Variants in EML5 observed in about 807,000 individuals in gnomAD.
The protein encoded by EML5 is EMAP like 5.
EML5 carries 120 observed loss-of-function variants against 250.0 expected under a neutral mutation model. The ratio of observed to expected loss-of-function variants is 0.48; its 90% CI spans 0.41 to 0.56. The LOEUF (loss-of-function observed/expected upper bound fraction) is 0.56. Ranked by LOEUF, EML5 falls within the 20% of genes least tolerant of loss-of-function variation. The pLI is 0.00. For missense variants in EML5, 2,006 were observed against 2,437.6 expected, an observed-to-expected ratio of 0.82 and a Z score of 3.73; for synonymous variants, 771 against 806.5, an observed-to-expected ratio of 0.96 and a Z score of 0.75.
rs1281430673 is a variant in EML5, at chr14:88,620,881, A to G, written c.5248T>C (p.Cys1750Arg). ...ACCATGTCCCCTTCAGGGCTGTAAC[A>G]CACAGTACGAGCAGCATGTCCCAAA... is the stretch of plus-strand genomic sequence containing the variant. ...VNLGHAARTV[C>R]YSPEGDMVAI... The change falls in exon 39 of 44, where the codon TGT (cysteine) becomes CGT (arginine). Residue 1750 changes from cysteine to arginine, a missense_variant. Cys to Arg is a radical substitution (Grantham distance 180). Transcript: ENST00000554922. This position sits in a 1 kb window ranked among gnomAD's most constrained non-coding sequence, Gnocchi z 4.3. 1 of 1,567,948 alleles carries G rather than the reference A, an allele frequency of 6.4e-7. No homozygotes were observed.
At chr14:88,660,625 C>T (rs890997309) in intron 25 of EML5, among the ~76,000 whole-genome samples, 1 of 152,106 alleles carries the variant, frequency 6.6e-6, no homozygotes, top group African/African-American at 2.4e-5. Context: ...CGCCTGTAAT[C>T]CCAGCTACTC....
chr14:88,621,511 A>G, intron 37 of EML5: 1 of 591,642 alleles, frequency 1.7e-6, no homozygotes, highest in South Asian at 2.1e-5. Flanking sequence ...TACATATTAG[A>G]GTCCATGCTA....
At chr14:88,616,491 T>G (rs536728860) in intron 42 of EML5, 3 of 604,528 alleles carry the variant, frequency 5.0e-6, no homozygotes, top group South Asian at 4.5e-5. Context: ...GATAACTGAT[T>G]ATAGGTTTGG....
chr14:88,738,980 CCTT>C lies in EML5; in HGVS notation c.743_745del (p.Glu248del), dbSNP rs766535924. The C allele has an allele frequency of 1.9e-6, 3 of 1,609,062 alleles. No homozygotes were observed. Among genetic ancestry groups the C allele is most frequent in the Non-Finnish European group, 2.5e-6 (3 of 1,178,202 alleles). On this transcript the variant is annotated inframe_deletion, in exon 6 of 44. Coordinates refer to ENST00000554922, the MANE Select transcript of EML5 (RefSeq NM_183387.3). ...ACCATCTCTGCCACCAGTAGCAAAG[CCTT>C]CTTCACAAGCATTCATGCTAAAAAT...
intron 7 of EML5, among the ~76,000 whole-genome samples, chr14:88,735,689 C>G (rs539982216): frequency 1.3e-5 from 2 of 152,124 alleles, no homozygotes; most frequent in Non-Finnish European, 2.9e-5. Flanking sequence ...GATATTCATA[C>G]ATGTACAAAA....
chr14:88,733,201 C>T (rs983747681), intron 7 of EML5, among the ~76,000 whole-genome samples: 8 of 152,222 alleles, frequency 5.3e-5, no homozygotes, highest in Non-Finnish European at 1.0e-4. Context: ...TAGCACCATA[C>T]GTTGGACTAT....
At chr14:88,756,603 A>C (rs1293901130) in intron 1 of EML5, among the ~76,000 whole-genome samples, 1 of 152,162 alleles carries the variant, frequency 6.6e-6, no homozygotes, top group Non-Finnish European at 1.5e-5. Flanking sequence ...CAAAGAAACA[A>C]CCAAAAAATG....
At chr14:88,766,944 G>T (rs1465640180) in intron 1 of EML5, among the ~76,000 whole-genome samples, 1 of 152,140 alleles carries the variant, frequency 6.6e-6, no homozygotes, top group East Asian at 1.9e-4. Context: ...TATAACAAAT[G>T]TTTTACATTC....
At chr14:88,687,385 C>T in intron 18 of EML5, 58 bp from the exon 19 acceptor site, 1 of 1,219,536 alleles carries the variant, frequency 8.2e-7, no homozygotes, top group Non-Finnish European at 1.1e-6. Context: ...AAAATAGTAA[C>T]CTTTTTCCTT....
intron 1 of EML5, among the ~76,000 whole-genome samples, chr14:88,782,079 G>T (rs2094502971): frequency 6.6e-6 from 1 of 152,214 alleles, no homozygotes; most frequent in Non-Finnish European, 1.5e-5. Flanking sequence ...GGGAAAGTCT[G>T]TAAGTTCCTA....
intron 11 of EML5, 85 bp downstream of exon 11, chr14:88,706,174 T>C: frequency 1.5e-6 from 2 of 1,304,856 alleles, no homozygotes; most frequent in Non-Finnish European, 2.1e-6. Context: ...TGAGGCCAGA[T>C]TATACTTTAA....
At chr14:88,685,228 A>G (rs776375489) in intron 19 of EML5, 86 bp from the exon 20 acceptor site, 16 of 1,150,886 alleles carry the variant, frequency 1.4e-5, no homozygotes, top group Non-Finnish European at 1.9e-5. Context: ...CTATTTTGAC[A>G]GTGAAAATCA....
chr14:88,668,260 T>TGTGA (rs2092359871), intron 21 of EML5, among the ~76,000 whole-genome samples: 1 of 152,084 alleles, frequency 6.6e-6, no homozygotes, highest in South Asian at 2.1e-4. Context: ...GAATCTAAAG[T>TGTGA]GTGAGTGTAC....
At chr14:88,760,328 G>A (rs1159090343) in intron 1 of EML5, among the ~76,000 whole-genome samples, 3 of 142,224 alleles carry the variant, frequency 2.1e-5, no homozygotes, top group Non-Finnish European at 4.5e-5. Flanking sequence ...TGTATAAAGT[G>A]TAATGTAGGT....
At chr14:88,707,808 T>A (rs966764925) in intron 10 of EML5, among the ~76,000 whole-genome samples, 2 of 152,166 alleles carry the variant, frequency 1.3e-5, no homozygotes, top group Non-Finnish European at 2.9e-5. Flanking sequence ...CAAAGTCCTA[T>A]GAGGTAAGGG....
intron 18 of EML5, among the ~76,000 whole-genome samples, chr14:88,687,724 A>G (rs983156159): frequency 3.3e-5 from 5 of 152,016 alleles, no homozygotes; most frequent in African/African-American, 1.2e-4. Context: ...TTTGACACAT[A>G]GTATGAGCTT....
intron 27 of EML5, among the ~76,000 whole-genome samples, chr14:88,655,859 T>C (rs1047149770): frequency 1.3e-5 from 2 of 151,936 alleles, no homozygotes; most frequent in African/African-American, 4.8e-5. Context: ...CCAAAAAACA[T>C]GAAAAAAAGC....
intron 7 of EML5, among the ~76,000 whole-genome samples, chr14:88,729,289 G>T (rs2093716060): frequency 6.6e-6 from 1 of 152,024 alleles, no homozygotes; most frequent in East Asian, 1.9e-4. Flanking sequence ...GATTTCAAAG[G>T]AAAATCTTCA....
rs75249181 is a variant in EML5, at chr14:88,773,379, A to T, written c.198-18708T>A. On this transcript the variant is annotated intron_variant, in intron 1 of 43. Transcript: ENST00000554922. Reference sequence around the variant, plus strand: ...TTTGCTTGGTAATAAATCTCCAAACAGGGAATATCCAGCGTGGGAGGGCCT... The same window carrying T: ...TTTGCTTGGTAATAAATCTCCAAACTGGGAATATCCAGCGTGGGAGGGCCT... Among the ~76,000 whole-genome samples, 997 of 152,336 alleles carry T rather than the reference A, an allele frequency of 6.5e-3. 8 individuals are homozygous for T. The highest frequency in any genetic ancestry group is 0.023 in the African/African-American group (957 of 41,574).
Sources: allele counts gnomAD v4.1 joint callset (sites outside exome capture counted in the v4.1 genomes callset), GRCh38; gene constraint gnomAD v4.1.1; non-coding constraint Gnocchi (gnomAD v3.1); transcripts MANE v1.5; gene names NCBI Gene and HGNC (gene_info 2026-07-23, HGNC 2026-07-21).